Variants in MYRIP observed in about 807,000 individuals in gnomAD.
The protein encoded by MYRIP is rab effector MyRIP.
MYRIP carries 49 observed loss-of-function variants against 98.0 expected under a neutral mutation model. The observed-to-expected ratio is 0.50, with a 90% CI of 0.40 to 0.63. MYRIP has a LOEUF of 0.63. Among genes scored for constraint, MYRIP ranks in the 30% least tolerant of loss-of-function variants. MYRIP has a pLI of 0.00. For missense variants in MYRIP, 1,004 were observed against 1,058.2 expected (o/e 0.95, Z 0.71); for synonymous variants, 404 against 409.5 (o/e 0.99, Z 0.16).
Position 40,258,257 on chromosome 3 carries a change from C to A in MYRIP, c.*91C>A. 6.7e-7 allele frequency: 1 copy of A among 1,499,730 alleles called. No individual in the cohort carries two copies. Among genetic ancestry groups the A allele is most frequent in the Non-Finnish European group, 9.3e-7 (1 of 1,077,502 alleles). 92.9% of individuals were successfully genotyped at this position (1,499,730 alleles called of 1,614,324 possible). A position where few individuals can be genotyped will look rare whatever the true frequency, so the allele number is the denominator to read the frequency against. ...CAGCCATCGAGTACTGTATGTATTT[C>A]CACCTGAGGAGAAGGCCTGGGGAGG... On this transcript the variant is annotated 3_prime_UTR_variant, in exon 17 of 17. Coordinates refer to ENST00000302541, the MANE Select transcript of MYRIP (RefSeq NM_015460.4).
chr3:39,871,011 C>G (rs1942773503), intron 1 of MYRIP, among the ~76,000 whole-genome samples: 2 of 152,158 alleles, frequency 1.3e-5, no homozygotes, highest in Admixed American at 1.3e-4. Context: ...TCTGTCCAGT[C>G]CATTTTCCCA....
intron 1 of MYRIP, among the ~76,000 whole-genome samples, chr3:39,871,566 C>T (rs74543122): frequency 1.9e-3 from 286 of 152,068 alleles, no homozygotes; most frequent in African/African-American, 6.3e-3. Context: ...AACTGTCTTT[C>T]GACTCAATTT....
intron 3 of MYRIP, among the ~76,000 whole-genome samples, chr3:40,069,257 C>A (rs1948177958): frequency 2.0e-5 from 3 of 152,092 alleles, no homozygotes; most frequent in Admixed American, 6.6e-5. Context: ...AGCTACGCAC[C>A]ACCACCTACT....
At chr3:40,185,168 G>A (rs1950994721) in intron 9 of MYRIP, among the ~76,000 whole-genome samples, 1 of 152,196 alleles carries the variant, frequency 6.6e-6, no homozygotes, top group Non-Finnish European at 1.5e-5. Flanking sequence ...TATGCCTCAG[G>A]AGAAGGGTTG....
intron 2 of MYRIP, among the ~76,000 whole-genome samples, chr3:39,991,023 T>A (rs942276029): frequency 6.6e-6 from 1 of 152,082 alleles, no homozygotes; most frequent in African/African-American, 2.4e-5. Flanking sequence ...ACGGGAGGGA[T>A]AACATTAGGA....
intron 2 of MYRIP, among the ~76,000 whole-genome samples, chr3:39,994,243 C>T (rs1204765480): frequency 2.6e-5 from 4 of 152,196 alleles, no homozygotes; most frequent in Non-Finnish European, 2.9e-5. Flanking sequence ...GGCGAGGCAT[C>T]GCCTCATCCG....
intron 3 of MYRIP, among the ~76,000 whole-genome samples, chr3:40,111,859 G>C (rs1350300024): frequency 3.9e-5 from 6 of 152,162 alleles, no homozygotes; most frequent in Non-Finnish European, 8.8e-5. Flanking sequence ...TGAAGAGAAA[G>C]TATACTATGA....
intron 1 of MYRIP, among the ~76,000 whole-genome samples, chr3:39,875,947 T>G (rs1227503596): frequency 6.6e-6 from 1 of 151,920 alleles, no homozygotes; most frequent in East Asian, 1.9e-4. Context: ...GGGGTGTTAA[T>G]GTCTCCCATT....
At chr3:39,972,834 G>A (rs1456256161) in intron 2 of MYRIP, among the ~76,000 whole-genome samples, 1 of 150,716 alleles carries the variant, frequency 6.6e-6, no homozygotes, top group Non-Finnish European at 1.5e-5. Context: ...GTACATTGAC[G>A]GGCTTCTTCT....
At chr3:39,875,881 A>C (rs1396366138) in intron 1 of MYRIP, among the ~76,000 whole-genome samples, 1 of 151,968 alleles carries the variant, frequency 6.6e-6, no homozygotes, top group Non-Finnish European at 1.5e-5. Flanking sequence ...GCTGAGTTCA[A>C]TTCCTGGGTA....
intron 2 of MYRIP, among the ~76,000 whole-genome samples, chr3:39,983,202 C>T (rs551944861): frequency 6.6e-6 from 1 of 152,300 alleles, no homozygotes; most frequent in East Asian, 1.9e-4. Context: ...GTTCCTTTAT[C>T]CCTGCCAGTG....
intron 1 of MYRIP, among the ~76,000 whole-genome samples, chr3:39,890,258 T>G (rs1050192216): frequency 6.6e-6 from 1 of 152,102 alleles, no homozygotes; most frequent in Non-Finnish European, 1.5e-5. Flanking sequence ...TTTTAGTAAT[T>G]TCTCACTTCT....
At chr3:40,000,114 C>G (rs1473963884) in intron 2 of MYRIP, among the ~76,000 whole-genome samples, 1 of 151,770 alleles carries the variant, frequency 6.6e-6, no homozygotes, top group African/African-American at 2.4e-5. Flanking sequence ...CAACATGGCA[C>G]ATGTATACCT....
At chr3:39,951,905 G>A (rs1369070418) in intron 2 of MYRIP, among the ~76,000 whole-genome samples, 1 of 151,992 alleles carries the variant, frequency 6.6e-6, no homozygotes, top group Non-Finnish European at 1.5e-5. Context: ...CTTTATGATG[G>A]TATAATGTAC....
At chr3:40,165,924 C>T (rs1212899959) in intron 5 of MYRIP, among the ~76,000 whole-genome samples, 1 of 152,056 alleles carries the variant, frequency 6.6e-6, no homozygotes, top group Non-Finnish European at 1.5e-5. Context: ...CAGCTGGATT[C>T]AAATCTTTGC....
At position 40,084,776 on chromosome 3, in the gene MYRIP, A is replaced by G. The variant is rs62261791; in HGVS notation, c.332+40505A>G. On this transcript the variant is annotated intron_variant, in intron 3 of 16. Transcript: ENST00000302541. ...TGTGTTACATGTCGATAGATAATATATATGTGTTACATGTCGATAGATAAT... is the reference window on the plus strand; with the variant it reads ...TGTGTTACATGTCGATAGATAATATGTATGTGTTACATGTCGATAGATAAT... Among the ~76,000 whole-genome samples the G allele has an allele frequency of 3.7e-3, 74 of 19,736 alleles. 2 individuals are homozygous for G. Among genetic ancestry groups the G allele is most frequent in the Admixed American group, 0.011 (14 of 1,286 alleles). The allele number at this position is 19,736 out of a possible 152,430, so 12.9% of individuals were successfully genotyped here.
At chr3:40,017,379 G>C (rs756403265) in intron 2 of MYRIP, among the ~76,000 whole-genome samples, 7 of 152,134 alleles carry the variant, frequency 4.6e-5, no homozygotes, top group Non-Finnish European at 1.5e-5. Flanking sequence ...CCTTGATCAG[G>C]TTCAATCCCT....
chr3:40,036,203 G>C (rs1038658788), intron 2 of MYRIP, among the ~76,000 whole-genome samples: 36 of 130,890 alleles, frequency 2.8e-4, no homozygotes, highest in African/African-American at 1.0e-3. Context: ...GAACACTACA[G>C]AAAATTTAAA....
intron 1 of MYRIP, among the ~76,000 whole-genome samples, chr3:39,891,772 A>C (rs1943493670): frequency 6.6e-6 from 1 of 152,170 alleles, no homozygotes; most frequent in Admixed American, 6.5e-5. Context: ...CAATAGGTTA[A>C]CATGAAGAAT....
Sources: allele counts gnomAD v4.1 joint callset (sites outside exome capture counted in the v4.1 genomes callset), GRCh38; gene constraint gnomAD v4.1.1; transcripts MANE v1.5; gene names NCBI Gene and HGNC (gene_info 2026-07-23, HGNC 2026-07-21).